The following KLHL4 variants were observed in gnomAD, a reference collection of about 807,000 sequenced individuals.
KLHL4 encodes the protein kelch-like protein 4.
KLHL4 carries 17 observed loss-of-function variants against 45.8 expected under a neutral mutation model. The observed-to-expected ratio is 0.37, with a 90% CI of 0.25 to 0.56. The LOEUF (loss-of-function observed/expected upper bound fraction) is 0.56, where lower values mean the gene tolerates loss of function less well. KLHL4 is among the 20% of genes least tolerant of loss of function. The pLI, the probability that KLHL4 is intolerant of heterozygous loss-of-function variation, is 0.79. For missense variants in KLHL4, 544 were observed against 544.9 expected, an observed-to-expected ratio of 1.00 and a Z score of 0.02; for synonymous variants, 224 against 189.9, an observed-to-expected ratio of 1.18 and a Z score of -1.47.
intron 9 of KLHL4, among the ~76,000 whole-genome samples, chrX:87,647,057 A>G (rs1923661250): frequency 1.8e-5 from 2 of 111,878 alleles, no homozygotes; most frequent in South Asian, 7.4e-4. Context: ...AAACAATTCC[A>G]TTAAGAAGTG....
intron 1 of KLHL4, among the ~76,000 whole-genome samples, chrX:87,590,852 T>C (rs1258249779): frequency 8.9e-6 from 1 of 111,825 alleles, no homozygotes; most frequent in Admixed American, 9.5e-5. Flanking sequence ...TGAATAACAT[T>C]CCATTGTGTA....
intron 8 of KLHL4, among the ~76,000 whole-genome samples, chrX:87,634,965 A>T (rs887062873): frequency 5.4e-5 from 6 of 111,979 alleles, no homozygotes; most frequent in Non-Finnish European, 1.1e-4. Flanking sequence ...TGATAACTTT[A>T]AAATTATATT....
chrX:87,575,317 T>C (rs1921064182), intron 1 of KLHL4, among the ~76,000 whole-genome samples: 1 of 111,106 alleles, frequency 9.0e-6, no homozygotes, highest in Non-Finnish European at 1.9e-5. Flanking sequence ...CTATTGTGAA[T>C]TGTGCATGCA....
intron 9 of KLHL4, among the ~76,000 whole-genome samples, chrX:87,656,688 T>G (rs914644724): frequency 1.8e-5 from 2 of 110,772 alleles, no homozygotes; most frequent in African/African-American, 3.3e-5. Context: ...TATCTGAAAT[T>G]TCATGTATTT....
At chrX:87,664,308 A>G (rs1048102781) in intron 9 of KLHL4, among the ~76,000 whole-genome samples, 5 of 112,088 alleles carry the variant, frequency 4.5e-5, no homozygotes, top group African/African-American at 1.6e-4. Context: ...ACTACATTTC[A>G]TACAGCAAAA....
intron 1 of KLHL4, among the ~76,000 whole-genome samples, chrX:87,561,524 A>AT (rs1431573269): frequency 2.7e-5 from 3 of 111,709 alleles, no homozygotes; most frequent in Middle Eastern, 9.2e-3. Context: ...TAGCCCCAGC[A>AT]TTGCAGGCTA....
intron 1 of KLHL4, among the ~76,000 whole-genome samples, chrX:87,581,308 G>T (rs1235679437): frequency 1.8e-5 from 2 of 112,422 alleles, no homozygotes; most frequent in Non-Finnish European, 3.8e-5. Context: ...CCTTGGAGAG[G>T]CCAAACCAAT....
intron 9 of KLHL4, among the ~76,000 whole-genome samples, chrX:87,662,256 C>T (rs1439979618): frequency 9.0e-6 from 1 of 110,904 alleles, no homozygotes; most frequent in African/African-American, 3.3e-5. Flanking sequence ...ACATGTACCC[C>T]ATAAATGTGT....
Position 87,668,078 on chromosome X carries a change from AAG to A in KLHL4, c.*1551_*1552del, listed in dbSNP as rs981529270. ...ACACCTGCCATTGTCTCTAATTCTA[AAG>A]AGAGAGCTATAGATTTCTGCAGTTC... is the stretch of plus-strand genomic sequence containing the variant. On this transcript the variant is annotated 3_prime_UTR_variant, in exon 11 of 11. Transcript: ENST00000373119. 1 of 745,891 alleles carries A rather than the reference AAG, an allele frequency of 1.3e-6. No individual in the cohort carries two copies. Among genetic ancestry groups the A allele is most frequent in the African/African-American group, 2.3e-5 (1 of 43,155 alleles). The allele number at this position is 745,891 out of a possible 1,213,427, so 61.5% of individuals were successfully genotyped here.
At chrX:87,534,810 A>G (rs1215989145) in intron 1 of KLHL4, among the ~76,000 whole-genome samples, 2 of 111,997 alleles carry the variant, frequency 1.8e-5, no homozygotes, top group Non-Finnish European at 3.8e-5. Flanking sequence ...ATGCAAACAT[A>G]GAAAGTTTAA....
chrX:87,596,400 C>T (rs1921841269), intron 1 of KLHL4, among the ~76,000 whole-genome samples: 1 of 111,667 alleles, frequency 9.0e-6, no homozygotes, highest in Admixed American at 9.6e-5. Context: ...CATGGGATAT[C>T]GTATTTTACA....
intron 1 of KLHL4, among the ~76,000 whole-genome samples, chrX:87,558,332 G>C (rs1932024165): frequency 9.0e-6 from 1 of 111,276 alleles, no homozygotes; most frequent in Admixed American, 9.6e-5. Flanking sequence ...TTATATGACT[G>C]TGTGGAAGAA....
At chrX:87,623,288 C>CTTTTTTTTT (rs67869297) in intron 5 of KLHL4, among the ~76,000 whole-genome samples, 2,447 of 49,834 alleles carry the variant, frequency 0.049, 41 homozygotes, top group Middle Eastern at 0.07. Flanking sequence ...TTCCTTTTTT[C>CTTTTTTTTT]TTTTTTTTTT....
Position 87,614,495 on chromosome X carries a change from GCCAAA to G in KLHL4, c.654_658del (p.Lys219ArgfsTer33). 1 of 1,209,136 alleles carries G rather than the reference GCCAAA, an allele frequency of 8.3e-7. No individual in the cohort carries two copies. Among genetic ancestry groups the G allele is most frequent in the East Asian group, 3.0e-5 (1 of 33,771 alleles). On this transcript the variant is annotated frameshift_variant, in exon 3 of 11. Coordinates refer to ENST00000373119, the MANE Select transcript of KLHL4 (RefSeq NM_019117.5). LOFTEE classifies it high-confidence loss of function. The stretch of plus-strand genomic sequence containing the variant: ...AATGTTTACTAATGATGTGCTTGAA[GCCAAA>G]CAAGAAGAGGTCAGGATGGAAGGAG...
intron 1 of KLHL4, among the ~76,000 whole-genome samples, chrX:87,542,359 G>C (rs1931577963): frequency 8.9e-6 from 1 of 112,147 alleles, no homozygotes; most frequent in Non-Finnish European, 1.9e-5. Flanking sequence ...GGGCATGTCA[G>C]AGATATTTGT....
At chrX:87,592,212 T>C (rs1228562680) in intron 1 of KLHL4, among the ~76,000 whole-genome samples, 1 of 111,990 alleles carries the variant, frequency 8.9e-6, no homozygotes, top group African/African-American at 3.2e-5. Context: ...TATGGCTGAA[T>C]AGTATTCCAT....
intron 1 of KLHL4, among the ~76,000 whole-genome samples, chrX:87,550,594 G>A (rs1931790225): frequency 9.0e-6 from 1 of 111,265 alleles, no homozygotes; most frequent in Non-Finnish European, 1.9e-5. Flanking sequence ...GTACATAGAT[G>A]CTAAAATCCT....
chrX:87,529,580 T>C (rs11797228), intron 1 of KLHL4, among the ~76,000 whole-genome samples: 25,760 of 110,421 alleles, frequency 0.23, 2,379 homozygotes, highest in Non-Finnish European at 0.28. Flanking sequence ...TCTTGATCTT[T>C]TATTATTAAA....
At chrX:87,613,523 T>A (rs2147813265) in intron 1 of KLHL4, among the ~76,000 whole-genome samples, 1 of 111,124 alleles carries the variant, frequency 9.0e-6, no homozygotes, top group Non-Finnish European at 1.9e-5. Flanking sequence ...GGTCTAAGGG[T>A]TTCCTGCCTA....
Sources: allele counts gnomAD v4.1 joint callset (sites outside exome capture counted in the v4.1 genomes callset), GRCh38; gene constraint gnomAD v4.1.1; transcripts MANE v1.5; gene names NCBI Gene and HGNC (gene_info 2026-07-23, HGNC 2026-07-21).